LRP4: variants seen among roughly 807,000 people sequenced by gnomAD.
LRP4 encodes the protein LDL receptor related protein 4.
A neutral mutation model predicts 220.3 loss-of-function variants in LRP4; 95 were observed. The observed-to-expected ratio is 0.43, with a 90% CI of 0.37 to 0.51. LRP4 has a LOEUF of 0.51. Ranked by LOEUF, LRP4 falls within the 20% of genes least tolerant of loss-of-function variation. The pLI is 0.00. For missense variants in LRP4, 1,925 were observed against 2,567.0 expected (o/e 0.75, Z 5.40); for synonymous variants, 903 against 954.6 (o/e 0.95, Z 1.00).
chr11:46,899,779 G>T lies in LRP4; in HGVS notation c.430+84C>A. The T allele has an allele frequency of 8.7e-7, 1 of 1,147,420 alleles. No individual in the cohort carries two copies. The highest frequency in any genetic ancestry group is 1.3e-6 in the Non-Finnish European group (1 of 762,490). 71.1% of individuals were successfully genotyped at this position (1,147,420 alleles called of 1,614,324 possible). On this transcript the variant is annotated intron_variant, in intron 4 of 37. Transcript: ENST00000378623. This position sits in a 1 kb window ranked among gnomAD's most constrained non-coding sequence, Gnocchi z 5.9. ...TCTGGGCAGTTGGAGGTTTGGCAGT[G>T]CTAGGGCCATTGCTGCTATCTTCTC...
chr11:46,896,723 G>T, intron 8 of LRP4, 146 bp downstream of exon 8: 1 of 1,167,986 alleles, frequency 8.6e-7, no homozygotes, highest in Non-Finnish European at 1.2e-6. Flanking sequence ...CTGTGCTCCA[G>T]GCCATAAGGC....
intron 1 of LRP4, among the ~76,000 whole-genome samples, chr11:46,903,927 A>C (rs1055476417): frequency 6.6e-5 from 10 of 152,146 alleles, no homozygotes; most frequent in Non-Finnish European, 1.3e-4. Context: ...TTGAGCATCG[A>C]GCTATCTGCC....
At chr11:46,894,885 G>C in intron 11 of LRP4, 66 bp from the exon 12 acceptor site, 2 of 1,387,134 alleles carry the variant, frequency 1.4e-6, no homozygotes, top group Non-Finnish European at 2.0e-6. Context: ...CCCATCAGCA[G>C]GTCTTCAGCT....
intron 16 of LRP4, among the ~76,000 whole-genome samples, chr11:46,888,669 G>C (rs974811977): frequency 4.0e-5 from 6 of 150,016 alleles, no homozygotes; most frequent in Admixed American, 6.7e-5. Flanking sequence ...ACACTCTCTA[G>C]AAAGGACCCA....
chr11:46,888,969 A>T (rs1941360858), intron 16 of LRP4, among the ~76,000 whole-genome samples: 1 of 152,210 alleles, frequency 6.6e-6, no homozygotes, highest in Admixed American at 6.5e-5. Flanking sequence ...TTTAACACAT[A>T]TTTATCCAGG....
intron 16 of LRP4, among the ~76,000 whole-genome samples, chr11:46,888,094 C>A (rs1175827535): frequency 7.0e-6 from 1 of 142,060 alleles, no homozygotes; most frequent in Non-Finnish European, 1.5e-5. Flanking sequence ...AAGGCAGAGG[C>A]GGGCAGGTCA....
In LRP4 at chr11:46,890,503, A is replaced by T. The variant is rs760876854; in HGVS notation, c.1698-9T>A. On this transcript the variant is annotated splice_polypyrimidine_tract_variant and intron_variant, in intron 13 of 37. Transcript: ENST00000378623. The surrounding 1 kb of genome is among the most constrained non-coding windows in gnomAD (Gnocchi z 5.3). Reference sequence around the variant, plus strand: ...CTGTCCAGTAAATGGTACTAGGAAGAGAAAAGTAAATTGGGAAGTGGGCAG... The same window carrying T: ...CTGTCCAGTAAATGGTACTAGGAAGTGAAAAGTAAATTGGGAAGTGGGCAG... The T allele has an allele frequency of 6.2e-7, 1 of 1,603,356 alleles. No individual in the cohort carries two copies. The highest frequency in any genetic ancestry group is 1.1e-5 in the South Asian group (1 of 90,824).
In LRP4 at chr11:46,884,180, G is replaced by A. The variant is rs61898529; in HGVS notation, c.2507-204C>T. Among the ~76,000 whole-genome samples the A allele has an allele frequency of 0.15, 22,787 of 152,214 alleles. 2,639 individuals carry two copies. Among genetic ancestry groups the A allele is most frequent in the African/African-American group, 0.33 (13,603 of 41,494 alleles). On this transcript the variant is annotated intron_variant, in intron 18 of 37. Transcript: ENST00000378623. ...ATGTGATCAGTTGGATTTCTTGAAA[G>A]AGCAAGACTTCCCAAACATAGGCAA...
Position 46,886,007 on chromosome 11 carries a change from A to G in LRP4, c.2506+84T>C, listed in dbSNP as rs528038809. ...AAGACAGAAGTGGTCCAGGAGAGAC[A>G]CTGGGCTCCTTCTATCTGAGGCCAG... On this transcript the variant is annotated intron_variant, in intron 18 of 37. Transcript: ENST00000378623. 138 of 1,142,272 alleles carry G rather than the reference A, an allele frequency of 1.2e-4. No individual in the cohort carries two copies. The African/African-American group carries it at 1.7e-3, about 14-fold the overall frequency. The allele number at this position is 1,142,272 out of a possible 1,614,324, so 70.8% of individuals were successfully genotyped here.
At chr11:46,885,183 C>T (rs1941258994) in intron 18 of LRP4, among the ~76,000 whole-genome samples, 1 of 152,004 alleles carries the variant, frequency 6.6e-6, no homozygotes. Context: ...TGTGTGTATG[C>T]GTGTGGGGGT....
In LRP4 at chr11:46,918,260, A is replaced by G; in HGVS notation, c.52+68T>C. The G allele has an allele frequency of 2.7e-6, 4 of 1,458,742 alleles. No homozygotes were observed. The highest frequency in any genetic ancestry group is 2.1e-5 in the Admixed American group (1 of 48,778). 90.4% of individuals were successfully genotyped at this position (1,458,742 alleles called of 1,614,324 possible). On this transcript the variant is annotated intron_variant, in intron 1 of 37. Coordinates refer to ENST00000378623, the MANE Select transcript of LRP4 (RefSeq NM_002334.4). The surrounding 1 kb of genome is among the most constrained non-coding windows in gnomAD (Gnocchi z 6.0). ...TCTCAGGCCCCGGCCCGCGCCGTCC[A>G]GGTCCCGGGAGGCGAGTCCTGCAGC...
At position 46,900,050 on chromosome 11, in the gene LRP4, C is replaced by T. The variant is rs576854718; in HGVS notation, c.317-74G>A. On this transcript the variant is annotated intron_variant, in intron 3 of 37. Coordinates refer to ENST00000378623, the MANE Select transcript of LRP4 (RefSeq NM_002334.4). The stretch of plus-strand genomic sequence containing the variant: ...CCTGGAAGCCTGACTTAAAGCCCTC[C>T]GGAGCAGTCAAGTAGCTCCAGTGCT... 66 of 1,269,242 alleles carry T rather than the reference C, an allele frequency of 5.2e-5. No homozygotes were observed. In the South Asian group the frequency reaches 6.3e-4, roughly 12 times the overall value. 78.6% of individuals were successfully genotyped at this position (1,269,242 alleles called of 1,614,324 possible).
chr11:46,876,361 T>C (rs1941016040), intron 25 of LRP4, 105 bp downstream of exon 25: 11 of 1,375,812 alleles, frequency 8.0e-6, no homozygotes, highest in Non-Finnish European at 1.1e-5. Context: ...GAGGTCACCT[T>C]GTTTCTGTGA....
At chr11:46,911,857 T>G (rs1423214789) in intron 1 of LRP4, among the ~76,000 whole-genome samples, 1 of 149,396 alleles carries the variant, frequency 6.7e-6, no homozygotes, top group Non-Finnish European at 1.5e-5. Context: ...TTTTTTTTTT[T>G]TTTGAGACGG....
chr11:46,903,391 G>A (rs923289318), intron 1 of LRP4, among the ~76,000 whole-genome samples: 1 of 152,194 alleles, frequency 6.6e-6, no homozygotes, highest in Non-Finnish European at 1.5e-5. Flanking sequence ...CTACTTGGGA[G>A]GCTGAGGTGG....
At chr11:46,860,578 C>T (rs1185783628) in intron 37 of LRP4, among the ~76,000 whole-genome samples, 1 of 152,202 alleles carries the variant, frequency 6.6e-6, no homozygotes, top group Non-Finnish European at 1.5e-5. Flanking sequence ...AGTTCTGCAA[C>T]TGTGGCTGTG....
intron 36 of LRP4, among the ~76,000 whole-genome samples, chr11:46,863,685 G>A (rs1940619656): frequency 6.6e-6 from 1 of 151,674 alleles, no homozygotes; most frequent in Non-Finnish European, 1.5e-5. Context: ...CTTGAATCCA[G>A]GAGGCAGAGG....
At chr11:46,897,201 G>A (rs997210469) in intron 7 of LRP4, among the ~76,000 whole-genome samples, 3 of 152,146 alleles carry the variant, frequency 2.0e-5, no homozygotes, top group Non-Finnish European at 4.4e-5. Flanking sequence ...CTGCCATGAT[G>A]AGTATATAAA....
chr11:46,889,497 G>A lies in LRP4; in HGVS notation c.2129C>T (p.Thr710Met), dbSNP rs777222715. The stretch of plus-strand genomic sequence containing the variant: ...CTGGCCACTGGGCAGACACAGGTGC[G>A]TGCAGCCTCCGTTGTTGTCCCCACA... The part of the protein sequence containing the change: ...NRCGDNNGGC[T>M]HLCLPSGQNY... The change falls in exon 16 of 38, where the codon ACG (threonine) becomes ATG (methionine). Residue 710 changes from threonine to methionine, a missense_variant. Physicochemically the swap from Thr to Met is moderately conservative, Grantham distance 81. Transcript: ENST00000378623. 26 of 1,613,962 alleles carry A rather than the reference G, an allele frequency of 1.6e-5. No homozygotes were observed. Among genetic ancestry groups the A allele is most frequent in the Non-Finnish European group, 2.2e-5 (26 of 1,180,048 alleles).
Sources: allele counts gnomAD v4.1 joint callset (sites outside exome capture counted in the v4.1 genomes callset), GRCh38; gene constraint gnomAD v4.1.1; non-coding constraint Gnocchi (gnomAD v3.1); transcripts MANE v1.5; gene names NCBI Gene and HGNC (gene_info 2026-07-23, HGNC 2026-07-21).